The following MYLK variants were observed in gnomAD, a reference collection of about 807,000 sequenced individuals.
The protein encoded by MYLK is myosin light chain kinase, also known as myosin light chain kinase, smooth muscle.
MYLK carries 106 observed loss-of-function variants against 203.4 expected under a neutral mutation model. The ratio of observed to expected loss-of-function variants is 0.52; its 90% CI spans 0.45 to 0.61. The LOEUF (loss-of-function observed/expected upper bound fraction) is 0.61. Among genes scored for constraint, MYLK ranks in the 20% least tolerant of loss-of-function variants. The pLI is 0.00. For synonymous variants in MYLK, 867 were observed against 959.5 expected (o/e 0.90, Z 1.78); for missense variants, 2,072 against 2,442.3 (o/e 0.85, Z 3.20).
At chr3:123,845,121 T>G (rs2066683048) in intron 2 of MYLK, among the ~76,000 whole-genome samples, 1 of 152,204 alleles carries the variant, frequency 6.6e-6, no homozygotes, top group African/African-American at 2.4e-5. Flanking sequence ...AGCAAACTTC[T>G]GGGTTCTAGT....
At chr3:123,823,166 T>C (rs1183032129) in intron 3 of MYLK, among the ~76,000 whole-genome samples, 1 of 152,160 alleles carries the variant, frequency 6.6e-6, no homozygotes, top group East Asian at 1.9e-4. Context: ...TGCTCTCCTG[T>C]TTTTCTTCCT....
Position 123,725,968 on chromosome 3 carries a change from G to A in MYLK, c.1627C>T (p.Pro543Ser), listed in dbSNP as rs1486660453. Reference sequence around the variant, plus strand: ...CCATTCAGCAGCCAAGTGATCCGGGGCACTGGGGTCCCCCGTACGGAGCAC... The same window carrying A: ...CCATTCAGCAGCCAAGTGATCCGGGACACTGGGGTCCCCCGTACGGAGCAC... ...LQCSVRGTPV[P>S]RITWLLNGQP... Residue 543 changes from proline to serine, a missense_variant, in exon 12 of 34, where the codon CCC (proline) becomes TCC (serine). Physicochemically the swap from Pro to Ser is moderately conservative, Grantham distance 74 (BLOSUM62 -1). Transcript: ENST00000360304. 3 of 1,614,148 alleles carry A rather than the reference G, an allele frequency of 1.9e-6. No individual in the cohort carries two copies. Among genetic ancestry groups the A allele is most frequent in the Admixed American group, 3.3e-5 (2 of 60,020 alleles).
At chr3:123,826,939 T>C (rs1185825842) in intron 3 of MYLK, among the ~76,000 whole-genome samples, 2 of 151,954 alleles carry the variant, frequency 1.3e-5, no homozygotes, top group Non-Finnish European at 2.9e-5. Context: ...CAAAGCCTAC[T>C]TCATAAAATT....
rs113643156 is a variant in MYLK at position 123,786,690 on chromosome 3, G to C, written c.165+6987C>G. ...AACTCAAAGGATAAATGCTTGAGGG[G>C]ATGGATACCCCATTCTCTACAATGT... On this transcript the variant is annotated intron_variant, in intron 4 of 33. Transcript: ENST00000360304. Among the ~76,000 whole-genome samples the C allele has an allele frequency of 1.2e-3, 178 of 152,266 alleles. 1 individual carries two copies. The highest frequency in any genetic ancestry group is 6.8e-3 in the Middle Eastern group (2 of 294).
At chr3:123,711,868 G>A (rs1250485970) in intron 13 of MYLK, among the ~76,000 whole-genome samples, 2 of 152,152 alleles carry the variant, frequency 1.3e-5, no homozygotes, top group Non-Finnish European at 1.5e-5. Context: ...GGTATGTAAT[G>A]TATCTGGGCA....
At chr3:123,626,313 G>A (rs2058145694) in intron 31 of MYLK, among the ~76,000 whole-genome samples, 1 of 152,156 alleles carries the variant, frequency 6.6e-6, no homozygotes, top group African/African-American at 2.4e-5. Flanking sequence ...CTTTATAGAT[G>A]AGAAAAATCC....
At chr3:123,697,535 C>T (rs548872478) in intron 18 of MYLK, among the ~76,000 whole-genome samples, 48 of 152,298 alleles carry the variant, frequency 3.2e-4, no homozygotes, top group African/African-American at 1.1e-3. Flanking sequence ...GGTCATATAG[C>T]ACGGTGGTCT....
At chr3:123,627,084 G>T in intron 30 of MYLK, 143 bp from the exon 31 acceptor site, 1 of 895,012 alleles carries the variant, frequency 1.1e-6, no homozygotes, top group Non-Finnish European at 1.8e-6. Flanking sequence ...ACCGTGATCA[G>T]GATCACTGTG....
intron 23 of MYLK, among the ~76,000 whole-genome samples, chr3:123,657,640 A>G (rs962493938): frequency 3.3e-5 from 5 of 152,208 alleles, no homozygotes; most frequent in African/African-American, 1.2e-4. Context: ...ATTTGCTCCA[A>G]AAAAGGCCCC....
intron 23 of MYLK, 89 bp from the exon 24 acceptor site, chr3:123,657,517 C>A (rs1255599441): frequency 6.6e-6 from 9 of 1,369,336 alleles, no homozygotes; most frequent in Non-Finnish European, 9.1e-6. Flanking sequence ...GGGGGGAAGG[C>A]AGCCTAGAGA....
rs1024945718 is a variant in MYLK at position 123,867,243 on chromosome 3, T to C, written c.-127+9316A>G. ...TATGAAAAATGGACATGTTCCATTTTCTCTTCCCAATCCATCTGTCATGGG... is the reference window on the plus strand; with the variant it reads ...TATGAAAAATGGACATGTTCCATTTCCTCTTCCCAATCCATCTGTCATGGG... On this transcript the variant is annotated intron_variant, in intron 2 of 33. Transcript: ENST00000360304. Among the ~76,000 whole-genome samples, 6 of 152,040 alleles carry C rather than the reference T, an allele frequency of 3.9e-5. No individual in the cohort carries two copies. In the East Asian group the frequency reaches 5.8e-4, roughly 15 times the overall value.
At chr3:123,677,884 AATAT>A (rs3085284) in intron 20 of MYLK, among the ~76,000 whole-genome samples, 93 of 53,572 alleles carry the variant, frequency 1.7e-3, no homozygotes, top group East Asian at 7.9e-3. Context: ...TAAATAAATG[AATAT>A]ATATATATAT....
In MYLK at chr3:123,884,254, G is replaced by A. The variant is rs1246365030; in HGVS notation, c.-234C>T. The A allele has an allele frequency of 6.7e-6, 1 of 149,142 alleles. No individual in the cohort carries two copies. Among genetic ancestry groups the A allele is most frequent in the African/African-American group, 2.4e-5 (1 of 41,112 alleles). 9.2% of individuals were successfully genotyped at this position (149,142 alleles called of 1,614,324 possible). ...AGCCGGGGCACCGGCGCTCGGCGGG[G>A]CGCCCCGGCCGCAGGCGCACAGCGC... On this transcript the variant is annotated 5_prime_UTR_variant, in exon 1 of 34. Transcript: ENST00000360304.
intron 29 of MYLK, among the ~76,000 whole-genome samples, chr3:123,632,352 G>C (rs746145493): frequency 5.9e-5 from 9 of 152,182 alleles, no homozygotes; most frequent in Non-Finnish European, 1.2e-4. Context: ...AAACAGAGAG[G>C]GGGGAAGTCC....
chr3:123,718,142 A>G (rs556808778), intron 13 of MYLK, among the ~76,000 whole-genome samples: 1 of 152,116 alleles, frequency 6.6e-6, no homozygotes, highest in African/African-American at 2.4e-5. Flanking sequence ...GATTACAGGC[A>G]TGAGACACTG....
chr3:123,654,097 T>C (rs1466783396), intron 24 of MYLK, among the ~76,000 whole-genome samples: 2 of 151,796 alleles, frequency 1.3e-5, no homozygotes, highest in Non-Finnish European at 2.9e-5. Flanking sequence ...GGCTAGTGGT[T>C]GGGATCCCTG....
At chr3:123,860,710 G>C (rs2031815577) in intron 2 of MYLK, among the ~76,000 whole-genome samples, 1 of 152,188 alleles carries the variant, frequency 6.6e-6, no homozygotes, top group African/African-American at 2.4e-5. Context: ...GCTGTGCCCT[G>C]AGACAGCCTA....
intron 2 of MYLK, among the ~76,000 whole-genome samples, chr3:123,867,239 A>G (rs531670122): frequency 6.6e-6 from 1 of 152,012 alleles, no homozygotes; most frequent in East Asian, 1.9e-4. Flanking sequence ...GACATGTTCC[A>G]TTTTCTCTTC....
intron 19 of MYLK, among the ~76,000 whole-genome samples, chr3:123,689,025 G>T (rs1190556388): frequency 6.6e-6 from 1 of 152,146 alleles, no homozygotes; most frequent in East Asian, 1.9e-4. Context: ...AGCTCCTATG[G>T]CAGTGCCTGG....
Sources: gnomAD v4.1 joint callset for allele counts (sites outside exome capture counted in the v4.1 genomes callset) on GRCh38, gnomAD v4.1.1 for gene constraint, MANE v1.5 for transcripts, NCBI Gene and HGNC (gene_info 2026-07-23, HGNC 2026-07-21) for gene names.